The following FRMPD4 variants were observed in gnomAD, a reference collection of about 807,000 sequenced individuals.
FRMPD4 encodes FERM and PDZ domain-containing protein 4.
Under a neutral mutation model 94.1 loss-of-function variants are expected in FRMPD4, and 22 were observed. The ratio of observed to expected loss-of-function variants is 0.23; its 90% CI spans 0.17 to 0.33. The LOEUF (loss-of-function observed/expected upper bound fraction) is 0.33. Among genes scored for constraint, FRMPD4 ranks in the 10% least tolerant of loss-of-function variants. The pLI is 1.00. For synonymous variants in FRMPD4, 631 were observed against 548.6 expected, an observed-to-expected ratio of 1.15 and a Z score of -2.10; for missense variants, 1,111 against 1,339.9, an observed-to-expected ratio of 0.83 and a Z score of 2.67.
chrX:12,340,253 G>A (rs6639173), intron 1 of FRMPD4, among the ~76,000 whole-genome samples: 19,777 of 111,943 alleles, frequency 0.18, 4,207 homozygotes, highest in African/African-American at 0.6. Context: ...TGAAAACAAC[G>A]TTTCAATACT....
At chrX:11,851,704 A>G (rs1334797816) in intron 1 of FRMPD4, among the ~76,000 whole-genome samples, 1 of 111,542 alleles carries the variant, frequency 9.0e-6, no homozygotes, top group Non-Finnish European at 1.9e-5. Flanking sequence ...TTTCAGATTA[A>G]TGCTAACTAT....
At chrX:12,479,481 C>CATATATGTGTATAT (rs1555971450) in intron 1 of FRMPD4, among the ~76,000 whole-genome samples, 3 of 86,855 alleles carry the variant, frequency 3.5e-5, no homozygotes, top group Non-Finnish European at 6.8e-5. Context: ...TATGTATATA[C>CATATATGTGTATAT]ATATATATAC....
intron 1 of FRMPD4, among the ~76,000 whole-genome samples, chrX:12,338,934 G>A (rs143042837): frequency 1.6e-4 from 18 of 112,095 alleles, no homozygotes; most frequent in Non-Finnish European, 3.0e-4. Flanking sequence ...CAGTTAGTGC[G>A]TAGAGGAAAG....
At position 11,927,063 on chromosome X, in the gene FRMPD4, A is replaced by G. The variant is rs373716407; in HGVS notation, c.95+49045A>G. 4.8e-4 allele frequency among the ~76,000 whole-genome samples: 53 copies of G among 111,531 alleles called. 2 individuals are homozygous for G. The South Asian group carries it at 0.02, about 42-fold the overall frequency. On this transcript the variant is annotated intron_variant, in intron 3 of 18. Coordinates refer to the FRMPD4 transcript ENST00000640291. ...AACTTCAGCAAAGTCTTAGGATACA[A>G]AATCAATGTGCCAAAATCACTAGCA... is the stretch of plus-strand genomic sequence containing the variant.
At chrX:12,115,837 C>T (rs1405447) in intron 3 of FRMPD4, among the ~76,000 whole-genome samples, 11,795 of 110,919 alleles carry the variant, frequency 0.11, 1,056 homozygotes, top group East Asian at 0.59. Context: ...ATTCATCTCT[C>T]GATGGCTTCC....
At chrX:12,651,238 T>C (rs1352199683) in intron 4 of FRMPD4, among the ~76,000 whole-genome samples, 1 of 111,804 alleles carries the variant, frequency 8.9e-6, no homozygotes, top group Non-Finnish European at 1.9e-5. Flanking sequence ...TTGAAGCAAA[T>C]GTAATGGCCA....
chrX:12,331,180 C>T (rs2147938210), intron 1 of FRMPD4, among the ~76,000 whole-genome samples: 1 of 106,557 alleles, frequency 9.4e-6, no homozygotes, highest in African/African-American at 3.4e-5. Context: ...AAATAAAATA[C>T]ATATATTGTT....
chrX:12,028,417 C>T (rs146250731), intron 3 of FRMPD4, among the ~76,000 whole-genome samples: 196 of 111,425 alleles, frequency 1.8e-3, no homozygotes, highest in African/African-American at 6.2e-3. Flanking sequence ...GCATAGCCTT[C>T]GCCATTATCA....
At chrX:12,115,471 C>T (rs1433477410) in intron 3 of FRMPD4, among the ~76,000 whole-genome samples, 1 of 111,259 alleles carries the variant, frequency 9.0e-6, no homozygotes, top group Non-Finnish European at 1.9e-5. Context: ...AGCCACCACT[C>T]CTGGCCTTAC....
At chrX:12,226,703 G>A (rs181498018) in intron 1 of FRMPD4, among the ~76,000 whole-genome samples, 2 of 111,038 alleles carry the variant, frequency 1.8e-5, no homozygotes, top group Admixed American at 1.9e-4. Context: ...AACATGAAGA[G>A]GCCCAGATGG....
At chrX:11,903,475 C>T (rs1287495907) in intron 3 of FRMPD4, among the ~76,000 whole-genome samples, 1 of 111,999 alleles carries the variant, frequency 8.9e-6, no homozygotes, top group Non-Finnish European at 1.9e-5. Flanking sequence ...AAAAACACAT[C>T]CTTGATTCTT....
chrX:11,852,442 C>CAAAAAAA (rs374590200), intron 1 of FRMPD4, among the ~76,000 whole-genome samples: 8 of 52,579 alleles, frequency 1.5e-4, no homozygotes, highest in African/African-American at 3.3e-4. Context: ...ACCCTGTCTC[C>CAAAAAAA]AAAAAAAAAA....
At chrX:12,709,043 T>C (rs1178750974) in intron 13 of FRMPD4, 1 of 113,797 alleles carries the variant, frequency 8.8e-6, no homozygotes, top group African/African-American at 3.2e-5. Flanking sequence ...AAGGGTGAAC[T>C]GGATGCAGTT....
chrX:12,047,169 A>G (rs1016153187), intron 3 of FRMPD4, among the ~76,000 whole-genome samples: 3 of 110,093 alleles, frequency 2.7e-5, no homozygotes, highest in Middle Eastern at 5.0e-3. Flanking sequence ...GTGATTATAT[A>G]TGTGGCTACA....
At chrX:12,273,401 G>A (rs2054384180) in intron 1 of FRMPD4, among the ~76,000 whole-genome samples, 1 of 111,870 alleles carries the variant, frequency 8.9e-6, no homozygotes, top group Non-Finnish European at 1.9e-5. Flanking sequence ...AAGCACTTAC[G>A]GTAATTTGGC....
intron 3 of FRMPD4, among the ~76,000 whole-genome samples, chrX:12,019,955 G>A (rs1215223321): frequency 8.9e-6 from 1 of 112,160 alleles, no homozygotes; most frequent in Non-Finnish European, 1.9e-5. Context: ...GATAAGTCCT[G>A]TTTGCAGCCT....
chrX:12,518,357 A>G (rs1052200225), intron 2 of FRMPD4, among the ~76,000 whole-genome samples: 8 of 111,889 alleles, frequency 7.1e-5, no homozygotes, highest in Non-Finnish European at 3.8e-5. Context: ...TTGTGGAAAA[A>G]ACCTTTGGCT....
At position 12,706,926 on chromosome X, in the gene FRMPD4, T is replaced by G. The variant is rs1416552373; in HGVS notation, c.1287+11T>G. 2 of 652,855 alleles carry G rather than the reference T, an allele frequency of 3.1e-6. No individual in the cohort carries two copies. The highest frequency in any genetic ancestry group is 4.3e-6 in the Non-Finnish European group (2 of 466,822). The allele number at this position is 652,855 out of a possible 1,213,427, so 53.8% of individuals were successfully genotyped here. A position where few individuals can be genotyped will look rare whatever the true frequency, so the allele number is the denominator to read the frequency against. ...AAGGCAACATTAGTGGTAATTTCTTTTTTTTTTTTTTTTTTGCTTTCTCTT... is the reference window on the plus strand; with the variant it reads ...AAGGCAACATTAGTGGTAATTTCTTGTTTTTTTTTTTTTTTGCTTTCTCTT... On this transcript the variant is annotated intron_variant, in intron 12 of 16. Transcript: ENST00000675598.
At chrX:12,516,361 G>T (rs749164019) in intron 2 of FRMPD4, among the ~76,000 whole-genome samples, 1 of 111,961 alleles carries the variant, frequency 8.9e-6, no homozygotes, top group South Asian at 3.7e-4. Flanking sequence ...CATATTTAGT[G>T]CTTCTTTCAG....
Sources: gnomAD v4.1 joint callset for allele counts (sites outside exome capture counted in the v4.1 genomes callset) on GRCh38, gnomAD v4.1.1 for gene constraint, MANE v1.5 for transcripts, NCBI Gene and HGNC (gene_info 2026-07-23, HGNC 2026-07-21) for gene names.